MACROH2A1: variants seen among roughly 807,000 people sequenced by gnomAD.
MACROH2A1 encodes the protein macroH2A.1 histone.
In MACROH2A1, 2 loss-of-function variants were observed where a neutral mutation model predicts 31.6. That is an observed-to-expected ratio of 0.06 (90% CI 0.03 to 0.20). The LOEUF is 0.20. Ranked by LOEUF, MACROH2A1 falls within the 10% of genes least tolerant of loss-of-function variation. The pLI is 1.00. For synonymous variants in MACROH2A1, 169 were observed against 189.6 expected (o/e 0.89, Z 0.89); for missense variants, 230 against 474.0 (o/e 0.49, Z 4.78).
At position 135,389,118 on chromosome 5, in the gene MACROH2A1, G is replaced by C; in HGVS notation, c.-25C>G. The C allele has an allele frequency of 6.2e-7, 1 of 1,606,122 alleles. No individual in the cohort carries two copies. The highest frequency in any genetic ancestry group is 8.5e-7 in the Non-Finnish European group (1 of 1,174,118). On this transcript the variant is annotated 5_prime_UTR_variant, in exon 2 of 9. Coordinates refer to ENST00000511689, the MANE Select transcript of MACROH2A1 (RefSeq NM_138610.3). ...TGGCGGTGGCCCTGGAGGCGGATCA[G>C]TGAGCACACTGTGAAGGCGAGAGGC...
intron 8 of MACROH2A1, among the ~76,000 whole-genome samples, chr5:135,337,367 C>CCCATGCCCATG (rs1758920922): frequency 6.6e-6 from 1 of 152,210 alleles, no homozygotes; most frequent in African/African-American, 2.4e-5. Context: ...CTGGCCCATG[C>CCCATGCCCATG]CCATGCCATG....
intron 6 of MACROH2A1, among the ~76,000 whole-genome samples, chr5:135,352,023 T>A (rs971683452): frequency 6.6e-6 from 1 of 152,092 alleles, no homozygotes; most frequent in Non-Finnish European, 1.5e-5. Flanking sequence ...TTGCACCCAG[T>A]TCGTGTGGGT....
Position 135,389,097 on chromosome 5 carries a change from G to A in MACROH2A1, c.-4C>T, listed in dbSNP as rs774082043. Reference sequence around the variant, plus strand: ...TCTTCCCACCGCGGCTCGACATGGCGGTGGCCCTGGAGGCGGATCAGTGAG... The same window carrying A: ...TCTTCCCACCGCGGCTCGACATGGCAGTGGCCCTGGAGGCGGATCAGTGAG... On this transcript the variant is annotated 5_prime_UTR_variant, in exon 2 of 9. Coordinates refer to ENST00000511689, the MANE Select transcript of MACROH2A1 (RefSeq NM_138610.3). 8 of 1,611,938 alleles carry A rather than the reference G, an allele frequency of 5.0e-6. No individual in the cohort carries two copies. The highest frequency in any genetic ancestry group is 2.2e-5 in the East Asian group (1 of 44,822).
At position 135,388,986 on chromosome 5, in the gene MACROH2A1, G is replaced by A. The variant is rs747231938; in HGVS notation, c.108C>T (p.His36=). 2 of 1,613,944 alleles carry A rather than the reference G, an allele frequency of 1.2e-6. No homozygotes were observed. Among genetic ancestry groups the A allele is most frequent in the African/African-American group, 1.3e-5 (1 of 75,046 alleles). Residue 36 remains histidine (H), a synonymous_variant, in exon 2 of 9, where the codon CAC becomes CAT. Coordinates refer to ENST00000511689, the MANE Select transcript of MACROH2A1 (RefSeq NM_138610.3). ...GRMLRYIKKG[H]PKYRIGVGAP... ...CCCCCACTCCAATCCTGTACTTGGG[G>A]TGGCCTTTCTTGATGTACCGCAGCA...
chr5:135,379,407 A>C (rs558740574), intron 2 of MACROH2A1, among the ~76,000 whole-genome samples: 1 of 152,316 alleles, frequency 6.6e-6, no homozygotes, highest in East Asian at 1.9e-4. Flanking sequence ...TCAGAGAGTT[A>C]GGCTGAGTGG....
At chr5:135,351,164 G>A (rs1487340570) in intron 6 of MACROH2A1, 5 of 367,720 alleles carry the variant, frequency 1.4e-5, no homozygotes, top group African/African-American at 8.1e-5. Flanking sequence ...ACACACACAT[G>A]AGATCATTTC....
In MACROH2A1 at chr5:135,369,730, T is replaced by G. The variant is rs1763950084; in HGVS notation, c.280-127A>C. On this transcript the variant is annotated intron_variant, in intron 3 of 8. Coordinates refer to ENST00000511689, the MANE Select transcript of MACROH2A1 (RefSeq NM_138610.3). The surrounding 1 kb of genome is among the most constrained non-coding windows in gnomAD (Gnocchi z 4.3). ...GCTCCTTCCTCCATGGCATCCTCCATGAGGATGCTGCCAGGACTCAAGCTC... is the reference window on the plus strand; with the variant it reads ...GCTCCTTCCTCCATGGCATCCTCCAGGAGGATGCTGCCAGGACTCAAGCTC... The G allele has an allele frequency of 2.9e-6, 2 of 696,530 alleles. No individual in the cohort carries two copies. Among genetic ancestry groups the G allele is most frequent in the Non-Finnish European group, 4.9e-6 (2 of 405,974 alleles). 43.1% of individuals were successfully genotyped at this position (696,530 alleles called of 1,614,324 possible).
At chr5:135,383,144 A>C (rs17168229) in intron 2 of MACROH2A1, among the ~76,000 whole-genome samples, 2 of 152,198 alleles carry the variant, frequency 1.3e-5, no homozygotes, top group Non-Finnish European at 2.9e-5. Flanking sequence ...ATAGTGTTGA[A>C]CTGATTCTTT....
At chr5:135,384,320 C>T (rs1581334469) in intron 2 of MACROH2A1, among the ~76,000 whole-genome samples, 1 of 152,218 alleles carries the variant, frequency 6.6e-6, no homozygotes, top group Admixed American at 6.5e-5. Flanking sequence ...GGAAGTCAAA[C>T]AAGCTGAAAC....
chr5:135,372,814 G>A (rs529814991), intron 2 of MACROH2A1, among the ~76,000 whole-genome samples: 49 of 152,344 alleles, frequency 3.2e-4, no homozygotes, highest in African/African-American at 9.9e-4. Context: ...AGGAAGGCCT[G>A]AGAGGCATAT....
chr5:135,393,657 G>A (rs1383235098), intron 1 of MACROH2A1, among the ~76,000 whole-genome samples: 1 of 152,190 alleles, frequency 6.6e-6, no homozygotes, highest in Non-Finnish European at 1.5e-5. Context: ...CAGTAAACCA[G>A]GAGGCTTCAC....
At chr5:135,378,282 C>G (rs964712771) in intron 2 of MACROH2A1, among the ~76,000 whole-genome samples, 5 of 152,238 alleles carry the variant, frequency 3.3e-5, no homozygotes, top group African/African-American at 1.2e-4. Flanking sequence ...CTCTAACATG[C>G]ACCAGACCGC....
intron 1 of MACROH2A1, among the ~76,000 whole-genome samples, chr5:135,392,737 T>C (rs796760789): frequency 5.3e-5 from 8 of 152,296 alleles, no homozygotes; most frequent in African/African-American, 1.9e-4. Context: ...TTAAGCATTA[T>C]AATTAAAAAC....
At position 135,358,313 on chromosome 5, in the gene MACROH2A1, T is replaced by C. The variant is rs558008820; in HGVS notation, c.588+2184A>G. The C allele has an allele frequency of 2.5e-5, 25 of 985,410 alleles. No individual in the cohort carries two copies. The African/African-American group carries it at 3.8e-4, about 15-fold the overall frequency. 61.0% of individuals were successfully genotyped at this position (985,410 alleles called of 1,614,324 possible). On this transcript the variant is annotated intron_variant, in intron 5 of 8. Transcript: ENST00000511689. ...TTGGAACCCTAGTTTCTAACACTGG[T>C]GCTTAGGCTGACTTAAGATGCTGCT...
At chr5:135,337,959 C>T (rs1423684690) in intron 8 of MACROH2A1, 3 of 1,209,434 alleles carry the variant, frequency 2.5e-6, no homozygotes, top group East Asian at 7.2e-5. Context: ...AGAAACCCTG[C>T]TATGGGACTG....
chr5:135,360,772 A>G, intron 4 of MACROH2A1, 165 bp from the exon 5 acceptor site: 1 of 702,414 alleles, frequency 1.4e-6, no homozygotes, highest in Non-Finnish European at 2.6e-6. Context: ...ATTTTGAGGT[A>G]CAAGAGTTCT....
intron 8 of MACROH2A1, among the ~76,000 whole-genome samples, chr5:135,338,387 C>A (rs141929192): frequency 6.6e-6 from 1 of 152,242 alleles, no homozygotes; most frequent in Non-Finnish European, 1.5e-5. Context: ...GGGCATGGCA[C>A]AGAGAGTCTT....
intron 2 of MACROH2A1, among the ~76,000 whole-genome samples, chr5:135,377,048 C>T (rs1320956874): frequency 2.6e-5 from 4 of 152,306 alleles, no homozygotes; most frequent in African/African-American, 7.2e-5. Flanking sequence ...CTCGATTAAC[C>T]TCGGTGCTGC....
intron 2 of MACROH2A1, among the ~76,000 whole-genome samples, chr5:135,375,423 C>A (rs564160177): frequency 6.6e-6 from 1 of 152,362 alleles, no homozygotes; most frequent in Non-Finnish European, 1.5e-5. Flanking sequence ...TTTGACAGGT[C>A]TACTTTGCAA....
Sources: allele counts gnomAD v4.1 joint callset (sites outside exome capture counted in the v4.1 genomes callset), GRCh38; gene constraint gnomAD v4.1.1; non-coding constraint Gnocchi (gnomAD v3.1); transcripts MANE v1.5; gene names NCBI Gene and HGNC (gene_info 2026-07-23, HGNC 2026-07-21).